The following FARP1 variants were observed in gnomAD, a reference collection of about 807,000 sequenced individuals.
The protein encoded by FARP1 is FERM, ARHGEF and pleckstrin domain-containing protein 1.
A neutral mutation model predicts 128.8 loss-of-function variants in FARP1; 52 were observed. The ratio of observed to expected loss-of-function variants is 0.40; its 90% CI spans 0.32 to 0.51. The LOEUF (loss-of-function observed/expected upper bound fraction) is 0.51, where lower values mean the gene tolerates loss of function less well. Among genes scored for constraint, FARP1 ranks in the 20% least tolerant of loss-of-function variants. The probability of loss-of-function intolerance (pLI) is 0.45; values close to 1 mark genes in which losing one functional copy is unlikely to be tolerated. For missense variants in FARP1, 1,333 were observed against 1,367.9 expected (o/e 0.97, Z 0.40); for synonymous variants, 580 against 551.8 (o/e 1.05, Z -0.72).
At chr13:98,146,061 G>A (rs1230422697) in intron 1 of FARP1, among the ~76,000 whole-genome samples, 1 of 152,096 alleles carries the variant, frequency 6.6e-6, no homozygotes, top group South Asian at 2.1e-4. Flanking sequence ...GAGGATGCTT[G>A]TGATAAACAT....
intron 1 of FARP1, among the ~76,000 whole-genome samples, chr13:98,145,861 C>CAAAAAAAAAAA (rs140525790): frequency 7.6e-6 from 1 of 131,218 alleles, no homozygotes; most frequent in Non-Finnish European, 1.6e-5. Flanking sequence ...GACTCTGTCT[C>CAAAAAAAAAAA]AAAAAAAAAA....
At chr13:98,351,136 G>T (rs1346358683) in intron 3 of FARP1, among the ~76,000 whole-genome samples, 1 of 151,544 alleles carries the variant, frequency 6.6e-6, no homozygotes, top group African/African-American at 2.4e-5. Flanking sequence ...CTCCAGCCCA[G>T]CCCTGGTACT....
intron 8 of FARP1, among the ~76,000 whole-genome samples, chr13:98,387,944 T>G (rs1157487573): frequency 1.3e-5 from 2 of 152,230 alleles, no homozygotes; most frequent in African/African-American, 4.8e-5. Flanking sequence ...TAAATCCACG[T>G]TGCAGTTTCC....
At chr13:98,201,654 AT>A (rs1456047570) in intron 1 of FARP1, among the ~76,000 whole-genome samples, 25 of 152,222 alleles carry the variant, frequency 1.6e-4, no homozygotes, top group Admixed American at 3.9e-4. Context: ...AGAACTGGAC[AT>A]TTGAAATAAC....
intron 13 of FARP1, 41 bp downstream of exon 13, chr13:98,395,517 T>C (rs2140072668): frequency 6.5e-7 from 1 of 1,537,666 alleles, no homozygotes; most frequent in Non-Finnish European, 8.8e-7. Context: ...GTACTTCCAT[T>C]CCTTTCATTG....
chr13:98,209,946 C>T (rs1367698877), intron 1 of FARP1, among the ~76,000 whole-genome samples: 1 of 151,094 alleles, frequency 6.6e-6, no homozygotes, highest in Non-Finnish European at 1.5e-5. Flanking sequence ...TGCGCCACTG[C>T]ACTCCAGCCT....
At chr13:98,233,002 C>A (rs1031538044) in intron 2 of FARP1, among the ~76,000 whole-genome samples, 11 of 152,156 alleles carry the variant, frequency 7.2e-5, no homozygotes, top group African/African-American at 2.7e-4. Flanking sequence ...CTTCTGGGCC[C>A]CAGGCCCTCA....
chr13:98,345,692 T>A (rs9584813), intron 3 of FARP1: 16,034 of 151,236 alleles, frequency 0.11, 1,104 homozygotes, highest in African/African-American at 0.19. Flanking sequence ...TCCCTATGGG[T>A]ACAGCAGCAC....
intron 1 of FARP1, among the ~76,000 whole-genome samples, chr13:98,147,385 T>G (rs1282339590): frequency 6.6e-6 from 1 of 152,120 alleles, no homozygotes; most frequent in Non-Finnish European, 1.5e-5. Context: ...ATTCATCATT[T>G]ACACTGAATG....
At chr13:98,382,696 C>T (rs936701526) in intron 6 of FARP1, among the ~76,000 whole-genome samples, 1 of 152,106 alleles carries the variant, frequency 6.6e-6, no homozygotes, top group African/African-American at 2.4e-5. Flanking sequence ...GATGTGCATT[C>T]CCAGTGGAGG....
At chr13:98,213,126 C>T (rs1428877195) in intron 1 of FARP1, 94 bp from the exon 2 acceptor site, 9 of 946,164 alleles carry the variant, frequency 9.5e-6, no homozygotes, top group African/African-American at 6.7e-5. Context: ...GGGGATGGAG[C>T]CCCCTGCCCA....
Position 98,431,152 on chromosome 13 carries a change from A to C in FARP1, c.2015A>C (p.Lys672Thr), listed in dbSNP as rs1451657036. 1.2e-6 allele frequency: 2 copies of C among 1,613,962 alleles called. No homozygotes were observed. The highest frequency in any genetic ancestry group is 4.5e-5 in the East Asian group (2 of 44,890). ...TTCTGCAGAGACTTTGAGCTGCAGA[A>C]GGTGTGTTACCTACCGCTCAACACC... is the stretch of plus-strand genomic sequence containing the variant. ...ENFCRDFELQ[K>T]VCYLPLNTFL... Residue 672 changes from lysine to threonine, a missense_variant, in exon 18 of 27, where the codon AAG becomes ACG. Physicochemically the swap from Lys to Thr is moderately conservative, Grantham distance 78 (BLOSUM62 -1). Coordinates refer to ENST00000319562, the MANE Select transcript of FARP1 (RefSeq NM_005766.4).
intron 1 of FARP1, among the ~76,000 whole-genome samples, chr13:98,189,008 A>C (rs923829770): frequency 1.3e-5 from 2 of 152,196 alleles, no homozygotes; most frequent in African/African-American, 4.8e-5. Flanking sequence ...CACAGGTGTC[A>C]GACGGGCCTC....
chr13:98,212,616 TGGG>T (rs376535824), intron 1 of FARP1, among the ~76,000 whole-genome samples: 1 of 54,730 alleles, frequency 1.8e-5, no homozygotes, highest in Non-Finnish European at 3.6e-5. Context: ...GGGAAATAGT[TGGG>T]GGGGTGGGTG....
At chr13:98,280,488 C>T (rs948624345) in intron 2 of FARP1, among the ~76,000 whole-genome samples, 3 of 152,236 alleles carry the variant, frequency 2.0e-5, no homozygotes, top group Non-Finnish European at 4.4e-5. Context: ...TCCCCGCTCA[C>T]CCCAGCTCTC....
chr13:98,187,718 A>T (rs1326547701), intron 1 of FARP1, among the ~76,000 whole-genome samples: 3 of 152,224 alleles, frequency 2.0e-5, no homozygotes, highest in Non-Finnish European at 4.4e-5. Context: ...CTGGATTACC[A>T]TATGGAGCTG....
intron 3 of FARP1, among the ~76,000 whole-genome samples, chr13:98,357,834 T>C (rs1390550432): frequency 2.0e-5 from 3 of 152,186 alleles, no homozygotes; most frequent in African/African-American, 7.2e-5. Context: ...ATTGAATTTG[T>C]TCTGGGATAT....
Position 98,177,372 on chromosome 13 carries a change from C to T in FARP1, c.-24+33880C>T, listed in dbSNP as rs546587694. ...AAAGAAAAGCTTCTGCTAGGCCAGG[C>T]GCGGTGACTCACTCTTGTAATCCCG... On this transcript the variant is annotated intron_variant, in intron 1 of 26. Coordinates refer to ENST00000319562, the MANE Select transcript of FARP1 (RefSeq NM_005766.4). 62 of 651,106 alleles carry T rather than the reference C, an allele frequency of 9.5e-5. No homozygotes were observed. In the East Asian group the frequency reaches 1.6e-3, roughly 17 times the overall value. 40.3% of individuals were successfully genotyped at this position (651,106 alleles called of 1,614,324 possible). A position where few individuals can be genotyped will look rare whatever the true frequency, so the allele number is the denominator to read the frequency against.
intron 2 of FARP1, among the ~76,000 whole-genome samples, chr13:98,235,696 A>G (rs555424563): frequency 1.1e-3 from 166 of 152,142 alleles, no homozygotes; most frequent in Admixed American, 2.4e-3. Flanking sequence ...CCTTTTTAAA[A>G]CTGAAACTCT....
Sources: allele counts gnomAD v4.1 joint callset (sites outside exome capture counted in the v4.1 genomes callset), GRCh38; gene constraint gnomAD v4.1.1; transcripts MANE v1.5; gene names NCBI Gene and HGNC (gene_info 2026-07-23, HGNC 2026-07-21).